Variants in SHANK2 observed in about 807,000 individuals in gnomAD.
SHANK2 encodes the protein SH3 and multiple ankyrin repeat domains protein 2.
In SHANK2, 43 loss-of-function variants were observed where a neutral mutation model predicts 133.7. The observed-to-expected ratio is 0.32, with a 90% CI of 0.25 to 0.41. SHANK2 has a LOEUF of 0.41. Among genes scored for constraint, SHANK2 ranks in the 10% least tolerant of loss-of-function variants. SHANK2 has a pLI of 1.00. For synonymous variants in SHANK2, 1,017 were observed against 952.8 expected, an observed-to-expected ratio of 1.07 and a Z score of -1.24; for missense variants, 1,994 against 2,235.8, an observed-to-expected ratio of 0.89 and a Z score of 2.18.
At chr11:70,701,303 G>T (rs1945513697) in intron 14 of SHANK2, among the ~76,000 whole-genome samples, 1 of 152,176 alleles carries the variant, frequency 6.6e-6, no homozygotes, top group Non-Finnish European at 1.5e-5. Context: ...GAGAAAAAGG[G>T]TGTAGACTAA....
Position 70,754,015 on chromosome 11 carries a change from T to C in SHANK2, c.1777+44428A>G, listed in dbSNP as rs1945047280. 2.0e-5 allele frequency among the ~76,000 whole-genome samples: 3 copies of C among 152,218 alleles called. No individual in the cohort carries two copies. In the South Asian group the frequency reaches 6.2e-4, roughly 32 times the overall value. On this transcript the variant is annotated intron_variant, in intron 14 of 25. Transcript: ENST00000601538. ...TTAGTAGAGATGGGGTTTCACCACG[T>C]TGGCTAGGCTTGTCTTGAACTCCTG...
At chr11:70,675,949 A>C (rs781864647) in intron 15 of SHANK2, among the ~76,000 whole-genome samples, 1 of 152,210 alleles carries the variant, frequency 6.6e-6, no homozygotes, top group African/African-American at 2.4e-5. Flanking sequence ...ATGAACTGGC[A>C]ATGTGTCAGA....
At chr11:70,721,776 T>C (rs1946079817) in intron 14 of SHANK2, among the ~76,000 whole-genome samples, 1 of 152,240 alleles carries the variant, frequency 6.6e-6, no homozygotes, top group South Asian at 2.1e-4. Flanking sequence ...CAGTGTCTTT[T>C]CCTAACCATC....
chr11:70,565,215 TCATCCATC>T (rs56072142), intron 17 of SHANK2, among the ~76,000 whole-genome samples: 16 of 149,122 alleles, frequency 1.1e-4, no homozygotes, highest in Admixed American at 2.7e-4. Context: ...GGAAGCAGTT[TCATCCATC>T]CATCCATCCA....
chr11:70,905,921 C>G (rs1590818006), intron 10 of SHANK2, among the ~76,000 whole-genome samples: 1 of 151,656 alleles, frequency 6.6e-6, no homozygotes, highest in South Asian at 2.1e-4. Context: ...AAGCGATTCT[C>G]CTGCCTCAGC....
chr11:70,812,430 T>C (rs1234743557), intron 12 of SHANK2, among the ~76,000 whole-genome samples: 2 of 152,228 alleles, frequency 1.3e-5, no homozygotes, highest in Non-Finnish European at 2.9e-5. Flanking sequence ...GTGAAAACTT[T>C]TGTCCCCATT....
intron 2 of SHANK2, among the ~76,000 whole-genome samples, chr11:71,178,136 C>T (rs904718339): frequency 2.6e-5 from 4 of 152,140 alleles, no homozygotes; most frequent in Admixed American, 1.3e-4. Context: ...TGAATGTTCA[C>T]AGCAACAGTA....
chr11:70,492,245 A>G, intron 22 of SHANK2, 90 bp downstream of exon 22: 1 of 1,569,954 alleles, frequency 6.4e-7, no homozygotes, highest in Non-Finnish European at 8.7e-7. Flanking sequence ...CAGACATGAA[A>G]GCGTGTGCAC....
At chr11:71,170,020 T>A (rs1244787853) in intron 2 of SHANK2, among the ~76,000 whole-genome samples, 17 of 152,074 alleles carry the variant, frequency 1.1e-4, no homozygotes, top group African/African-American at 2.9e-4. Flanking sequence ...CATCTTTTTT[T>A]AAAAAAAGAT....
intron 8 of SHANK2, among the ~76,000 whole-genome samples, chr11:71,084,110 C>CA (rs1408832749): frequency 1.3e-5 from 2 of 151,978 alleles, no homozygotes; most frequent in Non-Finnish European, 2.9e-5. Context: ...GCTGGGTCTA[C>CA]AGGCACCAGC....
intron 11 of SHANK2, among the ~76,000 whole-genome samples, chr11:70,860,140 C>T (rs1474877800): frequency 2.0e-5 from 3 of 152,218 alleles, no homozygotes; most frequent in Non-Finnish European, 4.4e-5. Flanking sequence ...TCTCAGAAGC[C>T]TCTTTGCTCC....
chr11:71,104,979 C>T (rs538866029), intron 6 of SHANK2, among the ~76,000 whole-genome samples: 10 of 152,310 alleles, frequency 6.6e-5, no homozygotes, highest in African/African-American at 2.4e-4. Flanking sequence ...CAAAAAAATG[C>T]CACTGTGTAT....
chr11:70,624,394 G>A (rs1386336141), intron 17 of SHANK2, among the ~76,000 whole-genome samples: 12 of 151,964 alleles, frequency 7.9e-5, no homozygotes, highest in Admixed American at 7.9e-4. Context: ...TGAGGCCAGG[G>A]GGTGTTGGAC....
In SHANK2 at chr11:70,777,020, C is replaced by T. The variant is rs1004532245; in HGVS notation, c.1777+21423G>A. ...TTCTGTCCTCCAACCTACCCACCTA[C>T]CCATCCATTCATCTACCCACCCACC... On this transcript the variant is annotated intron_variant, in intron 14 of 25. Transcript: ENST00000601538. 2.2e-4 allele frequency among the ~76,000 whole-genome samples: 28 copies of T among 128,108 alleles called. No homozygotes were observed. In the Middle Eastern group the frequency reaches 0.012, roughly 54 times the overall value. 84.0% of individuals were successfully genotyped at this position (128,108 alleles called of 152,430 possible). A position where few individuals can be genotyped will look rare whatever the true frequency, so the allele number is the denominator to read the frequency against.
intron 17 of SHANK2, among the ~76,000 whole-genome samples, chr11:70,564,261 CTTT>C (rs782470967): frequency 2.0e-5 from 3 of 151,312 alleles, no homozygotes; most frequent in Non-Finnish European, 2.9e-5. Flanking sequence ...CTTTTCTTTT[CTTT>C]TTTTTTTTTT....
chr11:70,653,818 G>A (rs959722331), intron 17 of SHANK2, among the ~76,000 whole-genome samples: 1 of 152,260 alleles, frequency 6.6e-6, no homozygotes, highest in Non-Finnish European at 1.5e-5. Flanking sequence ...ATTTTTAGTA[G>A]AGACAGGGTT....
At chr11:70,803,222 T>G (rs1254194871) in intron 13 of SHANK2, among the ~76,000 whole-genome samples, 1 of 147,752 alleles carries the variant, frequency 6.8e-6, no homozygotes, top group Non-Finnish European at 1.5e-5. Flanking sequence ...ATGCACTCAC[T>G]CACTCACCAC....
At chr11:71,203,770 T>C (rs554781913) in intron 2 of SHANK2, among the ~76,000 whole-genome samples, 1 of 152,162 alleles carries the variant, frequency 6.6e-6, no homozygotes, top group South Asian at 2.1e-4. Flanking sequence ...CCAGGCCACA[T>C]GGTAGCAGCG....
At chr11:70,643,078 G>A (rs1252631927) in intron 17 of SHANK2, among the ~76,000 whole-genome samples, 2 of 152,120 alleles carry the variant, frequency 1.3e-5, no homozygotes, top group Non-Finnish European at 2.9e-5. Context: ...CTAGGTATCA[G>A]TTAACAAATA....
Sources: gnomAD v4.1 joint callset for allele counts (sites outside exome capture counted in the v4.1 genomes callset) on GRCh38, gnomAD v4.1.1 for gene constraint, MANE v1.5 for transcripts, NCBI Gene and HGNC (gene_info 2026-07-23, HGNC 2026-07-21) for gene names.